The following SMYD3 variants were observed in gnomAD, a reference collection of about 807,000 sequenced individuals.
SMYD3 encodes the protein SET and MYND domain containing 3.
In SMYD3, 36 loss-of-function variants were observed where a neutral mutation model predicts 57.7. That is an observed-to-expected ratio of 0.62 (90% CI 0.48 to 0.82). SMYD3 has a LOEUF of 0.82. Ranked by LOEUF, SMYD3 falls within the 40% of genes least tolerant of loss-of-function variation. The probability of loss-of-function intolerance (pLI) is 0.00; values close to 1 mark genes in which losing one functional copy is unlikely to be tolerated. For synonymous variants in SMYD3, 211 were observed against 195.0 expected, an observed-to-expected ratio of 1.08 and a Z score of -0.68; for missense variants, 515 against 538.8, an observed-to-expected ratio of 0.96 and a Z score of 0.44.
intron 1 of SMYD3, among the ~76,000 whole-genome samples, chr1:246,367,799 C>T (rs1261412790): frequency 1.3e-5 from 2 of 151,950 alleles, no homozygotes; most frequent in Non-Finnish European, 2.9e-5. Flanking sequence ...TACCTTTTTT[C>T]CCTTCATTTC....
chr1:246,401,701 G>A (rs2066771853), intron 1 of SMYD3, among the ~76,000 whole-genome samples: 2 of 145,664 alleles, frequency 1.4e-5, no homozygotes, highest in African/African-American at 5.1e-5. Context: ...CAGTAGCAAT[G>A]TTCTTAAATC....
At chr1:246,390,864 A>T (rs940078204) in intron 1 of SMYD3, among the ~76,000 whole-genome samples, 4 of 152,150 alleles carry the variant, frequency 2.6e-5, no homozygotes, top group Non-Finnish European at 4.4e-5. Context: ...AACAACAACA[A>T]CAACAGATGA....
chr1:246,401,379 GCTGGA>G (rs1462483305), intron 1 of SMYD3, among the ~76,000 whole-genome samples: 7 of 152,056 alleles, frequency 4.6e-5, no homozygotes, highest in Non-Finnish European at 1.0e-4. Flanking sequence ...TGTGGCCCAG[GCTGGA>G]GTGCAGTGGT....
intron 1 of SMYD3, 59 bp downstream of exon 1, chr1:246,506,995 C>CCCCCCCCCCCCCCCCCCCCCCCA: frequency 1.2e-6 from 1 of 825,154 alleles, no homozygotes; most frequent in Non-Finnish European, 1.6e-6. Flanking sequence ...CGACGCCCCC[C>CCCCCCCCCCCCCCCCCCCCCCCA]CCTCCCCAGC....
chr1:246,416,874 T>C (rs1558454811), intron 1 of SMYD3, among the ~76,000 whole-genome samples: 1 of 152,130 alleles, frequency 6.6e-6, no homozygotes, highest in Non-Finnish European at 1.5e-5. Context: ...GGAAACTTTT[T>C]CCTTAAGAAA....
chr1:246,252,286 A>T (rs1770027), intron 5 of SMYD3, among the ~76,000 whole-genome samples: 1 of 144,828 alleles, frequency 6.9e-6, no homozygotes, highest in Non-Finnish European at 1.5e-5. Flanking sequence ...AGGTGCCTCA[A>T]ACACTGTGCC....
chr1:246,481,607 T>TATATATATATATATATATACAC (rs1156393004), intron 1 of SMYD3, among the ~76,000 whole-genome samples: 3 of 61,970 alleles, frequency 4.8e-5, no homozygotes, highest in Non-Finnish European at 1.0e-4. Context: ...TATATATATA[T>TATATATATATATATATATACAC]ACACATACAT....
intron 5 of SMYD3, among the ~76,000 whole-genome samples, chr1:246,156,078 T>G (rs76687175): frequency 0.056 from 8,585 of 152,162 alleles, 514 homozygotes; most frequent in East Asian, 0.22. Flanking sequence ...CAATTAATGT[T>G]AAGGTCTGGA....
intron 5 of SMYD3, among the ~76,000 whole-genome samples, chr1:246,036,931 G>A (rs924128839): frequency 6.6e-6 from 1 of 151,916 alleles, no homozygotes; most frequent in Non-Finnish European, 1.5e-5. Flanking sequence ...ACTCTTAATG[G>A]CATAACTGAG....
chr1:245,767,431 T>C (rs556331032), intron 10 of SMYD3, among the ~76,000 whole-genome samples: 1 of 152,242 alleles, frequency 6.6e-6, no homozygotes, highest in African/African-American at 2.4e-5. Flanking sequence ...GAAATCATGA[T>C]ATAGAAAGGC....
At chr1:246,226,543 T>C (rs4654222) in intron 5 of SMYD3, among the ~76,000 whole-genome samples, 31,554 of 152,140 alleles carry the variant, frequency 0.21, 3,989 homozygotes, top group East Asian at 0.58. Flanking sequence ...ACCCATTAAC[T>C]GACTAAAACT....
chr1:245,989,719 C>G (rs2058778265), intron 5 of SMYD3, among the ~76,000 whole-genome samples: 1 of 152,212 alleles, frequency 6.6e-6, no homozygotes. Flanking sequence ...TGGGGCTTCC[C>G]CCCTCCCACA....
chr1:246,066,972 A>C (rs533616885), intron 5 of SMYD3, among the ~76,000 whole-genome samples: 3 of 152,380 alleles, frequency 2.0e-5, no homozygotes, highest in Admixed American at 6.5e-5. Flanking sequence ...GGCAGAATTC[A>C]GTACTTTATC....
At chr1:245,920,640 G>A (rs12093498) in intron 7 of SMYD3, among the ~76,000 whole-genome samples, 8,504 of 152,084 alleles carry the variant, frequency 0.056, 789 homozygotes, top group African/African-American at 0.19. Flanking sequence ...ACATCACCCC[G>A]ACGCTCATTC....
rs1191515943 is a variant in SMYD3 at position 246,202,026 on chromosome 1, C to CA, written c.531+125174dup. ...TCTGTCTCAATTTAAAAAAAAAAAA[C>CA]AAAAAAAAGCCATTTTTAAATGATT... On this transcript the variant is annotated intron_variant, in intron 5 of 11. Coordinates refer to ENST00000490107, the MANE Select transcript of SMYD3 (RefSeq NM_001167740.2). The surrounding 1 kb of genome is among the most constrained non-coding windows in gnomAD (Gnocchi z 4.1). Among the ~76,000 whole-genome samples, 10 of 146,460 alleles carry CA rather than the reference C, an allele frequency of 6.8e-5. No homozygotes were observed. The highest frequency in any genetic ancestry group is 1.1e-4 in the Non-Finnish European group (7 of 66,548).
intron 5 of SMYD3, among the ~76,000 whole-genome samples, chr1:246,034,256 CT>C (rs2059730865): frequency 6.6e-6 from 1 of 152,228 alleles, no homozygotes; most frequent in Non-Finnish European, 1.5e-5. Flanking sequence ...AACATTTAGC[CT>C]TTTTTTCCCT....
chr1:245,862,131 C>T (rs12038379), intron 9 of SMYD3, among the ~76,000 whole-genome samples: 11,980 of 152,152 alleles, frequency 0.079, 930 homozygotes, highest in East Asian at 0.46. Context: ...TCATCATAGA[C>T]AGCGTTTCAA....
intron 5 of SMYD3, among the ~76,000 whole-genome samples, chr1:246,154,237 A>G (rs1572119240): frequency 6.6e-6 from 1 of 152,230 alleles, no homozygotes; most frequent in African/African-American, 2.4e-5. Flanking sequence ...CTCTGCTTCT[A>G]TCGCTACTAA....
chr1:246,347,408 G>GT (rs1242524256), intron 2 of SMYD3, among the ~76,000 whole-genome samples: 3 of 152,128 alleles, frequency 2.0e-5, no homozygotes, highest in Non-Finnish European at 4.4e-5. Context: ...AAAATCAAAA[G>GT]TTTTTTAAAA....
Sources: gnomAD v4.1 joint callset for allele counts (sites outside exome capture counted in the v4.1 genomes callset) on GRCh38, gnomAD v4.1.1 for gene constraint, Gnocchi (gnomAD v3.1) non-coding constraint, MANE v1.5 for transcripts, NCBI Gene and HGNC (gene_info 2026-07-23, HGNC 2026-07-21) for gene names.